NTRK3: variants seen among roughly 807,000 people sequenced by gnomAD.
NTRK3 encodes the protein NT-3 growth factor receptor.
A neutral mutation model predicts 91.7 loss-of-function variants in NTRK3; 24 were observed. That is an observed-to-expected ratio of 0.26 (90% confidence interval 0.19 to 0.37). The LOEUF is 0.37. Among genes scored for constraint, NTRK3 ranks in the 10% least tolerant of loss-of-function variants. The pLI is 1.00. For synonymous variants in NTRK3, 483 were observed against 404.0 expected (o/e 1.20, Z -2.34); for missense variants, 880 against 1,068.9 (o/e 0.82, Z 2.46).
chr15:87,997,074 C>G (rs917910039), intron 14 of NTRK3, among the ~76,000 whole-genome samples: 15 of 152,184 alleles, frequency 9.9e-5, no homozygotes, highest in African/African-American at 3.1e-4. Context: ...TAAGCAAATT[C>G]TAAGTTTCAC....
intron 17 of NTRK3, chr15:87,925,807 C>T (rs1441340999): frequency 1.1e-5 from 2 of 175,212 alleles, no homozygotes; most frequent in African/African-American, 4.7e-5. Flanking sequence ...TTTGGAGCAG[C>T]TGCATGATCC....
At chr15:88,052,756 T>G (rs2045340630) in intron 13 of NTRK3, among the ~76,000 whole-genome samples, 1 of 152,042 alleles carries the variant, frequency 6.6e-6, no homozygotes. Context: ...GAGGGGAGTA[T>G]AGGTGCAGAA....
intron 14 of NTRK3, among the ~76,000 whole-genome samples, chr15:88,025,305 AC>A (rs376668919): frequency 2.8e-4 from 43 of 152,334 alleles, no homozygotes; most frequent in African/African-American, 9.6e-4. Flanking sequence ...TCCACACAAA[AC>A]CTGCACATGA....
intron 13 of NTRK3, among the ~76,000 whole-genome samples, chr15:88,124,490 G>A (rs753877478): frequency 4.6e-5 from 7 of 152,148 alleles, no homozygotes; most frequent in Non-Finnish European, 7.4e-5. Flanking sequence ...CTGGTGGTGC[G>A]CCTCCTCAGG....
intron 3 of NTRK3, among the ~76,000 whole-genome samples, chr15:88,190,009 T>C (rs796797696): frequency 6.6e-6 from 1 of 152,002 alleles, no homozygotes; most frequent in South Asian, 2.1e-4. Context: ...AGGACTAAGG[T>C]GATTGAGGAA....
intron 13 of NTRK3, among the ~76,000 whole-genome samples, chr15:88,115,295 C>G (rs4887363): frequency 0.23 from 35,181 of 152,172 alleles, 4,277 homozygotes; most frequent in Non-Finnish European, 0.25. Flanking sequence ...CACAAAGCAG[C>G]GGGCTGGTGC....
At chr15:88,119,087 G>A (rs760876058) in intron 13 of NTRK3, among the ~76,000 whole-genome samples, 2 of 152,200 alleles carry the variant, frequency 1.3e-5, no homozygotes, top group African/African-American at 2.4e-5. Flanking sequence ...GGGAACAGTT[G>A]GTTCCCTGGA....
intron 14 of NTRK3, among the ~76,000 whole-genome samples, chr15:87,981,679 G>T (rs180924725): frequency 8.5e-5 from 13 of 152,276 alleles, no homozygotes; most frequent in African/African-American, 3.1e-4. Flanking sequence ...GGACCAGAAT[G>T]TCTCAAAATG....
At chr15:88,137,335 C>T in intron 7 of NTRK3, 69 bp downstream of exon 7, 8 of 1,581,236 alleles carry the variant, frequency 5.1e-6, no homozygotes, top group South Asian at 1.1e-5. Context: ...AAGGTAACGT[C>T]CAGCACCATC....
At chr15:88,033,333 TAG>T (rs1465439764) in intron 13 of NTRK3, among the ~76,000 whole-genome samples, 1 of 149,850 alleles carries the variant, frequency 6.7e-6, no homozygotes, top group East Asian at 2.0e-4. Flanking sequence ...TTAAATGAAA[TAG>T]AGTCTCTCTC....
At chr15:87,999,759 G>T (rs1259920160) in intron 14 of NTRK3, among the ~76,000 whole-genome samples, 2 of 152,178 alleles carry the variant, frequency 1.3e-5, no homozygotes, top group Non-Finnish European at 2.9e-5. Context: ...GAGGAAGATG[G>T]CACTGGGACA....
At chr15:87,876,737 ATT>A in exon 19 of NTRK3, 3 of 405,252 alleles carry the variant, frequency 7.4e-6, no homozygotes, top group Admixed American at 3.5e-5. Flanking sequence ...ATATATATAT[ATT>A]TGCCAAACTG....
At chr15:87,931,211 G>A (rs367853988) in intron 16 of NTRK3, 30 of 518,290 alleles carry the variant, frequency 5.8e-5, no homozygotes, top group Non-Finnish European at 8.9e-5. Flanking sequence ...TAACCCTGCT[G>A]GTGGCTCTTG....
rs2141469608 is a variant in NTRK3, at chr15:87,880,438, G to T, written c.2134-10C>A. 1.9e-6 allele frequency: 3 copies of T among 1,613,916 alleles called. No homozygotes were observed. The highest frequency in any genetic ancestry group is 1.7e-6 in the Non-Finnish European group (2 of 1,179,924). Reference sequence around the variant, plus strand: ...TGGTGTGTCCTCCCACCTAAAAGGGGTTGAGATAGAGGCACACAGAGTGAC... The same window carrying T: ...TGGTGTGTCCTCCCACCTAAAAGGGTTTGAGATAGAGGCACACAGAGTGAC... On this transcript the variant is annotated splice_polypyrimidine_tract_variant and intron_variant, in intron 17 of 18. Transcript: ENST00000394480.
intron 13 of NTRK3, among the ~76,000 whole-genome samples, chr15:88,052,001 G>A (rs1179860644): frequency 6.6e-6 from 1 of 152,200 alleles, no homozygotes; most frequent in Non-Finnish European, 1.5e-5. Flanking sequence ...TGAAAGACTG[G>A]CTAACTCTTC....
chr15:87,991,429 A>G (rs969751930), intron 14 of NTRK3, among the ~76,000 whole-genome samples: 6 of 151,908 alleles, frequency 3.9e-5, no homozygotes, highest in Admixed American at 2.6e-4. Flanking sequence ...TCCTCTCTCC[A>G]TCTCCCTGTA....
intron 14 of NTRK3, among the ~76,000 whole-genome samples, chr15:87,979,695 G>C (rs1421227929): frequency 6.6e-6 from 1 of 152,126 alleles, no homozygotes; most frequent in Non-Finnish European, 1.5e-5. Context: ...GAAGGGAAGG[G>C]AGCAAAACCT....
chr15:88,119,070 G>C (rs571911962), intron 13 of NTRK3, among the ~76,000 whole-genome samples: 1 of 152,190 alleles, frequency 6.6e-6, no homozygotes, highest in Admixed American at 6.5e-5. Context: ...TAGGAGAGTC[G>C]ATGCAAGGGA....
chr15:87,986,863 C>A (rs1596538162), intron 14 of NTRK3, among the ~76,000 whole-genome samples: 1 of 152,224 alleles, frequency 6.6e-6, no homozygotes, highest in East Asian at 1.9e-4. Context: ...CTGCTGCTAC[C>A]ACTAAACTCT....
Sources: gnomAD v4.1 joint callset for allele counts (sites outside exome capture counted in the v4.1 genomes callset) on GRCh38, gnomAD v4.1.1 for gene constraint, MANE v1.5 for transcripts, NCBI Gene and HGNC (gene_info 2026-07-23, HGNC 2026-07-21) for gene names.